KCNMB2: variants seen among roughly 807,000 people sequenced by gnomAD.
KCNMB2 encodes potassium calcium-activated channel subfamily M regulatory beta subunit 2.
KCNMB2 carries 9 observed loss-of-function variants against 24.5 expected under a neutral mutation model. The observed-to-expected ratio is 0.37, with a 90% CI of 0.22 to 0.64. The LOEUF is 0.64. Among genes scored for constraint, KCNMB2 ranks in the 30% least tolerant of loss-of-function variants. The pLI is 0.63. For synonymous variants in KCNMB2, 109 were observed against 104.4 expected (o/e 1.04, Z -0.27); for missense variants, 226 against 284.3 (o/e 0.79, Z 1.47).
At chr3:178,828,969 G>A (rs1224204189) in intron 4 of KCNMB2, among the ~76,000 whole-genome samples, 1 of 130,136 alleles carries the variant, frequency 7.7e-6, no homozygotes, top group African/African-American at 2.9e-5. Context: ...GTGTGTGTGT[G>A]TGTGTTCTTC....
chr3:178,567,698 T>C (rs1716577378), intron 1 of KCNMB2, among the ~76,000 whole-genome samples: 1 of 152,060 alleles, frequency 6.6e-6, no homozygotes, highest in Admixed American at 6.6e-5. Flanking sequence ...GGACAAATAG[T>C]TTAGACTATT....
At chr3:178,746,335 C>A (rs1159331555) in intron 1 of KCNMB2, among the ~76,000 whole-genome samples, 4 of 152,160 alleles carry the variant, frequency 2.6e-5, no homozygotes, top group Non-Finnish European at 5.9e-5. Context: ...CCCGTTTCAG[C>A]CATGGCTAGA....
At chr3:178,795,014 T>A (rs1577194303) in intron 1 of KCNMB2, 1 of 152,364 alleles carries the variant, frequency 6.6e-6, no homozygotes, top group Middle Eastern at 3.4e-3. Context: ...TGGAGGGGAC[T>A]CTGAATTAAA....
intron 1 of KCNMB2, among the ~76,000 whole-genome samples, chr3:178,739,086 A>C (rs1303842380): frequency 2.1e-5 from 3 of 143,870 alleles, no homozygotes; most frequent in African/African-American, 8.0e-5. Context: ...GCTTAGAAAA[A>C]TGTCCCTAAA....
At chr3:178,557,674 T>C (rs559867261) in intron 1 of KCNMB2, among the ~76,000 whole-genome samples, 23 of 152,190 alleles carry the variant, frequency 1.5e-4, no homozygotes, top group Non-Finnish European at 2.8e-4. Flanking sequence ...GGGGAACAGA[T>C]AGAAGAATAG....
intron 2 of KCNMB2, among the ~76,000 whole-genome samples, chr3:178,823,399 T>G (rs1434783753): frequency 6.6e-6 from 1 of 152,116 alleles, no homozygotes; most frequent in Non-Finnish European, 1.5e-5. Flanking sequence ...GACAAGGCCG[T>G]GAAATGATGA....
intron 1 of KCNMB2, among the ~76,000 whole-genome samples, chr3:178,699,680 G>T (rs768796914): frequency 1.3e-5 from 2 of 152,306 alleles, no homozygotes; most frequent in African/African-American, 4.8e-5. Context: ...ACCACCCTGC[G>T]GAGATCAGAA....
chr3:178,656,084 A>T (rs61013363), intron 1 of KCNMB2, among the ~76,000 whole-genome samples: 2 of 152,278 alleles, frequency 1.3e-5, no homozygotes, highest in Admixed American at 6.5e-5. Flanking sequence ...CATGTAATTA[A>T]GACGTAAACA....
At chr3:178,758,441 TACACACACAAGAGGTGATATATATAC>T (rs1724304908) in intron 1 of KCNMB2, among the ~76,000 whole-genome samples, 1 of 54,078 alleles carries the variant, frequency 1.8e-5, no homozygotes, top group Non-Finnish European at 3.5e-5. Flanking sequence ...TATATATATA[TACACACACAAGAGGTGATATATATAC>T]ATATATATAT....
At chr3:178,562,542 T>C (rs552223924) in intron 1 of KCNMB2, among the ~76,000 whole-genome samples, 11 of 152,332 alleles carry the variant, frequency 7.2e-5, no homozygotes, top group African/African-American at 2.6e-4. Flanking sequence ...CCTCTCTTTT[T>C]CCTCCAATTC....
At chr3:178,703,777 T>C (rs187313291) in intron 1 of KCNMB2, among the ~76,000 whole-genome samples, 3 of 152,242 alleles carry the variant, frequency 2.0e-5, no homozygotes, top group Admixed American at 1.3e-4. Context: ...AGCTTTTCCA[T>C]GTGGAACCCA....
intron 1 of KCNMB2, among the ~76,000 whole-genome samples, chr3:178,662,087 TACTA>T (rs1720553135): frequency 6.6e-6 from 1 of 152,186 alleles, no homozygotes; most frequent in African/African-American, 2.4e-5. Flanking sequence ...ATTCCATAGG[TACTA>T]ACTCTAGATG....
At chr3:178,724,455 C>G (rs1449257863) in intron 1 of KCNMB2, among the ~76,000 whole-genome samples, 1 of 152,040 alleles carries the variant, frequency 6.6e-6, no homozygotes, top group Non-Finnish European at 1.5e-5. Context: ...CTCTAGGTTA[C>G]CTGCTTTCTC....
At chr3:178,780,912 C>G (rs1264412424) in intron 1 of KCNMB2, among the ~76,000 whole-genome samples, 1 of 152,142 alleles carries the variant, frequency 6.6e-6, no homozygotes, top group African/African-American at 2.4e-5. Context: ...TACTGACAGA[C>G]AGCAGATTCT....
chr3:178,546,193 TGG>T (rs1715766726), intron 1 of KCNMB2, among the ~76,000 whole-genome samples: 2 of 152,126 alleles, frequency 1.3e-5, no homozygotes, highest in Non-Finnish European at 2.9e-5. Context: ...ACAATAGAAC[TGG>T]TACAAAGAAA....
chr3:178,686,155 C>T (rs1339130427), intron 1 of KCNMB2, among the ~76,000 whole-genome samples: 2 of 152,152 alleles, frequency 1.3e-5, no homozygotes, highest in Non-Finnish European at 2.9e-5. Flanking sequence ...CTCACCCATT[C>T]TACATTGATG....
intron 1 of KCNMB2, among the ~76,000 whole-genome samples, chr3:178,787,209 C>A (rs1352903304): frequency 6.6e-6 from 1 of 152,146 alleles, no homozygotes. Flanking sequence ...TCTTTCAAAT[C>A]TAATATATAT....
chr3:178,804,815 A>C (rs548338466), intron 1 of KCNMB2, among the ~76,000 whole-genome samples: 1 of 152,380 alleles, frequency 6.6e-6, no homozygotes, highest in Admixed American at 6.5e-5. Flanking sequence ...TGAAGGAATG[A>C]CTAAAGCAAT....
At chr3:178,740,810 T>C (rs1188657685) in intron 1 of KCNMB2, among the ~76,000 whole-genome samples, 8 of 152,186 alleles carry the variant, frequency 5.3e-5, no homozygotes, top group Non-Finnish European at 5.9e-5. Context: ...TTGCATACAT[T>C]ACCTCATTTA....
Sources: allele counts gnomAD v4.1 joint callset (sites outside exome capture counted in the v4.1 genomes callset), GRCh38; gene constraint gnomAD v4.1.1; transcripts MANE v1.5; gene names NCBI Gene and HGNC (gene_info 2026-07-23, HGNC 2026-07-21).